Variants in ATRX observed in about 807,000 individuals in gnomAD.
The protein encoded by ATRX is ATRX chromatin remodeler, also known as chromatin remodeler ATRX.
ATRX carries 12 observed loss-of-function variants against 172.6 expected under a neutral mutation model. That is an observed-to-expected ratio of 0.07 (90% CI 0.04 to 0.11). The LOEUF (loss-of-function observed/expected upper bound fraction) is 0.11. Among genes scored for constraint, ATRX ranks in the 10% least tolerant of loss-of-function variants. ATRX has a pLI of 1.00. For synonymous variants in ATRX, 674 were observed against 594.7 expected (o/e 1.13, Z -1.94); for missense variants, 1,368 against 1,767.4 (o/e 0.77, Z 4.05).
intron 30 of ATRX, among the ~76,000 whole-genome samples, chrX:77,553,122 C>T (rs1455694291): frequency 9.0e-6 from 1 of 111,706 alleles, no homozygotes; most frequent in East Asian, 2.8e-4. Flanking sequence ...AATATCCAAA[C>T]GTACCAAGAA....
At chrX:77,535,042 A>C (rs3027533) in intron 30 of ATRX, among the ~76,000 whole-genome samples, 10 of 112,048 alleles carry the variant, frequency 8.9e-5, no homozygotes, top group African/African-American at 3.2e-4. Flanking sequence ...AATTCCTTTT[A>C]TTGCTTAAAT....
intron 34 of ATRX, among the ~76,000 whole-genome samples, chrX:77,513,304 G>C (rs1475924010): frequency 9.1e-5 from 7 of 77,288 alleles, no homozygotes; most frequent in Non-Finnish European, 1.6e-4. Flanking sequence ...GCGACAGAGC[G>C]AGACTCCGTC....
intron 10 of ATRX, among the ~76,000 whole-genome samples, chrX:77,665,944 C>T (rs1318464908): frequency 1.8e-5 from 2 of 111,515 alleles, no homozygotes; most frequent in Admixed American, 9.6e-5. Context: ...CTTCTTAGCA[C>T]GCACCCACAT....
intron 6 of ATRX, chrX:77,691,399 CAG>C (rs1459901058): frequency 9.0e-6 from 1 of 111,173 alleles, no homozygotes; most frequent in Non-Finnish European, 1.9e-5. Flanking sequence ...AATTGTAACA[CAG>C]GGTATAAATG....
intron 34 of ATRX, among the ~76,000 whole-genome samples, chrX:77,509,731 T>C (rs1557035501): frequency 9.1e-6 from 1 of 110,386 alleles, no homozygotes; most frequent in Non-Finnish European, 1.9e-5. Flanking sequence ...AGAGGGAGCA[T>C]TTACACCAGC....
At position 77,722,360 on chromosome X, in the gene ATRX, C is replaced by CA. The variant is rs782433623; in HGVS notation, c.21-5118dup. On this transcript the variant is annotated intron_variant, in intron 1 of 34. Transcript: ENST00000373344. ...ACTAAACTAAAGACCTTCTGCACAG[C>CA]AAAAAAAAAATATATATATATATCT... Among the ~76,000 whole-genome samples the CA allele has an allele frequency of 7.3e-3, 755 of 103,128 alleles. 1 individual carries two copies. The highest frequency in any genetic ancestry group is 0.011 in the Admixed American group (107 of 9,498). The allele number at this position is 103,128 out of a possible 115,157, so 89.6% of individuals were successfully genotyped here. A position where few individuals can be genotyped will look rare whatever the true frequency, so the allele number is the denominator to read the frequency against.
intron 2 of ATRX, 48 bp from the exon 3 acceptor site, chrX:77,698,677 T>C (rs1557151601): frequency 9.4e-7 from 1 of 1,059,079 alleles, no homozygotes. Context: ...CGATGCATTA[T>C]CAAACAGAAC....
rs782184873 is a variant in ATRX, at chrX:77,683,412, T to A, written c.1844A>T (p.Tyr615Phe). The A allele has an allele frequency of 8.3e-7, 1 of 1,210,112 alleles. No homozygotes were observed. Among genetic ancestry groups the A allele is most frequent in the East Asian group, 3.0e-5 (1 of 33,832 alleles). ...CQEVPQDKDG[Y>F]KSCGLNPKLE... ...CTTGGGGTTCAGACCACAACTTTTATAGCCATCTTTATCTTGTGGAACTTC... is the reference window on the plus strand; with the variant it reads ...CTTGGGGTTCAGACCACAACTTTTAAAGCCATCTTTATCTTGTGGAACTTC... Residue 615 changes from tyrosine to phenylalanine, a missense_variant, in exon 9 of 35, where the codon TAT (tyrosine) becomes TTT (phenylalanine). Around this residue, in one of 17 missense-constraint regions of ATRX, gnomAD observed 843 missense variants for 643.1 expected, o/e 1.31. Coordinates refer to ENST00000373344, the MANE Select transcript of ATRX (RefSeq NM_000489.6).
intron 15 of ATRX, among the ~76,000 whole-genome samples, chrX:77,651,598 A>G (rs1557116887): frequency 8.9e-6 from 1 of 111,874 alleles, no homozygotes; most frequent in Non-Finnish European, 1.9e-5. Context: ...TGGCTCACAC[A>G]TGTAATCCCA....
intron 1 of ATRX, among the ~76,000 whole-genome samples, chrX:77,771,713 C>G (rs2076158840): frequency 8.9e-6 from 1 of 111,752 alleles, no homozygotes; most frequent in South Asian, 3.7e-4. Flanking sequence ...CTATTTCAAC[C>G]ATTTACTCCT....
At chrX:77,727,440 T>C (rs1557173736) in intron 1 of ATRX, among the ~76,000 whole-genome samples, 1 of 111,097 alleles carries the variant, frequency 9.0e-6, no homozygotes, top group African/African-American at 3.3e-5. Context: ...CAAATACCTA[T>C]CAATGGTACA....
chrX:77,551,406 G>A (rs1235270724), intron 30 of ATRX, among the ~76,000 whole-genome samples: 1 of 111,994 alleles, frequency 8.9e-6, no homozygotes, highest in Non-Finnish European at 1.9e-5. Flanking sequence ...GGGAAAACTG[G>A]CTAGCCATAT....
chrX:77,553,693 C>T (rs781807853), intron 30 of ATRX, among the ~76,000 whole-genome samples: 6 of 111,701 alleles, frequency 5.4e-5, no homozygotes, highest in Non-Finnish European at 1.1e-4. Flanking sequence ...AGGCCTTTTG[C>T]TCTTCTGCCG....
At chrX:77,722,659 T>C (rs781907019) in intron 1 of ATRX, among the ~76,000 whole-genome samples, 24 of 111,974 alleles carry the variant, frequency 2.1e-4, no homozygotes, top group African/African-American at 7.8e-4. Context: ...TCACGCCGGT[T>C]AGAATGGCGA....
chrX:77,558,549 G>A, intron 29 of ATRX, 120 bp downstream of exon 29: 2 of 637,544 alleles, frequency 3.1e-6, no homozygotes, highest in Non-Finnish European at 4.8e-6. Flanking sequence ...GCTGCTTTAT[G>A]TACAGAAATG....
At chrX:77,725,973 A>G (rs1437714031) in intron 1 of ATRX, among the ~76,000 whole-genome samples, 5 of 111,888 alleles carry the variant, frequency 4.5e-5, no homozygotes, top group Non-Finnish European at 9.4e-5. Context: ...TCAGGAAACA[A>G]CACATGCTGG....
chrX:77,676,383 C>T (rs2070866852), intron 9 of ATRX, 85 bp from the exon 10 acceptor site: 1 of 908,513 alleles, frequency 1.1e-6, no homozygotes, highest in Non-Finnish European at 1.6e-6. Flanking sequence ...AAGCCAAAAA[C>T]TTTAAAGCAA....
intron 14 of ATRX, 133 bp downstream of exon 14, chrX:77,653,965 A>G (rs2069411017): frequency 2.0e-6 from 1 of 495,879 alleles, no homozygotes; most frequent in African/African-American, 2.4e-5. Context: ...TCAATAACCA[A>G]TCCTTCCACA....
At chrX:77,536,139 C>A (rs1490157540) in intron 30 of ATRX, among the ~76,000 whole-genome samples, 2 of 110,544 alleles carry the variant, frequency 1.8e-5, no homozygotes, top group African/African-American at 6.6e-5. Context: ...AGCCTCGAAC[C>A]CCTGAGCTCA....
Sources: gnomAD v4.1 joint callset for allele counts (sites outside exome capture counted in the v4.1 genomes callset) on GRCh38, gnomAD v4.1.1 for gene constraint, gnomAD v4.1.1 regional missense constraint, MANE v1.5 for transcripts, NCBI Gene and HGNC (gene_info 2026-07-23, HGNC 2026-07-21) for gene names.